Variants in HHIP observed in about 807,000 individuals in gnomAD.
HHIP encodes the protein hedgehog interacting protein, also known as hedgehog-interacting protein.
HHIP carries 12 observed loss-of-function variants against 74.0 expected under a neutral mutation model. The ratio of observed to expected loss-of-function variants is 0.16; its 90% confidence interval spans 0.10 to 0.26. The LOEUF (loss-of-function observed/expected upper bound fraction) is 0.26. HHIP is among the 10% of genes least tolerant of loss of function. The pLI, the probability that HHIP is intolerant of heterozygous loss-of-function variation, is 1.00. For synonymous variants in HHIP, 309 were observed against 311.6 expected (o/e 0.99, Z 0.09); for missense variants, 788 against 845.0 (o/e 0.93, Z 0.84).
In HHIP at chr4:144,741,530, C is replaced by T; in HGVS notation, c.*3573C>T. 1 of 152,032 alleles carries T rather than the reference C, an allele frequency of 6.6e-6. No homozygotes were observed. The highest frequency in any genetic ancestry group is 1.5e-5 in the Non-Finnish European group (1 of 68,058). The allele number at this position is 152,032 out of a possible 1,614,324, so 9.4% of individuals were successfully genotyped here. A position where few individuals can be genotyped will look rare whatever the true frequency, so the allele number is the denominator to read the frequency against. Reference sequence around the variant, plus strand: ...AAGTAGCTGGGATTACAGGTGCCCGCCACCACACCCGGCTAATTTTTTTGT... The same window carrying T: ...AAGTAGCTGGGATTACAGGTGCCCGTCACCACACCCGGCTAATTTTTTTGT... On this transcript the variant is annotated 3_prime_UTR_variant, in exon 13 of 13. Coordinates refer to ENST00000296575, the MANE Select transcript of HHIP (RefSeq NM_022475.3).
chr4:144,729,875 T>C (rs1333752118), intron 11 of HHIP, among the ~76,000 whole-genome samples: 2 of 152,196 alleles, frequency 1.3e-5, no homozygotes, highest in Admixed American at 1.3e-4. Context: ...ATTCAAAATC[T>C]GGACACCTCA....
At chr4:144,712,260 T>C (rs1159699652) in intron 8 of HHIP, among the ~76,000 whole-genome samples, 189 bp downstream of exon 8, 3 of 152,166 alleles carry the variant, frequency 2.0e-5, no homozygotes, top group Non-Finnish European at 4.4e-5. Flanking sequence ...CCCTGAGGGT[T>C]CCATCTGGTT....
intron 4 of HHIP, among the ~76,000 whole-genome samples, chr4:144,667,559 G>A (rs1049261443): frequency 6.6e-6 from 1 of 152,094 alleles, no homozygotes; most frequent in Non-Finnish European, 1.5e-5. Flanking sequence ...AACACCTTTT[G>A]ACAGCATCAA....
At chr4:144,647,694 A>AACTG (rs2126569719) in intron 1 of HHIP, among the ~76,000 whole-genome samples, 1 of 152,216 alleles carries the variant, frequency 6.6e-6, no homozygotes, top group South Asian at 2.1e-4. Context: ...TAATAAGTTT[A>AACTG]AATACTAACA....
At chr4:144,672,856 C>T (rs1729077967) in intron 4 of HHIP, among the ~76,000 whole-genome samples, 1 of 152,078 alleles carries the variant, frequency 6.6e-6, no homozygotes, top group Admixed American at 6.6e-5. Flanking sequence ...CACCTGCCAC[C>T]ATGCCCAGCT....
At chr4:144,660,188 T>C (rs1195715825) in intron 4 of HHIP, 3 of 339,486 alleles carry the variant, frequency 8.8e-6, no homozygotes, top group Non-Finnish European at 1.6e-5. Flanking sequence ...AACAAAGAGG[T>C]CTTTTGGTTA....
chr4:144,658,351 GTATTTATTTATT>G (rs139338114), intron 2 of HHIP, among the ~76,000 whole-genome samples: 13 of 148,016 alleles, frequency 8.8e-5, no homozygotes, highest in South Asian at 2.2e-4. Context: ...TTTTTATTTA[GTATTTATTTATT>G]TATTTATTTA....
chr4:144,684,263 TTTTTTTTTTTTTTG>T (rs1729423952), intron 4 of HHIP, among the ~76,000 whole-genome samples: 2 of 28,252 alleles, frequency 7.1e-5, no homozygotes, highest in African/African-American at 1.2e-4. Context: ...TTTTTTTTTT[TTTTTTTTTTTTTTG>T]AGACGGAGTC....
chr4:144,720,009 G>A (rs1317791776), intron 11 of HHIP, among the ~76,000 whole-genome samples: 1 of 152,106 alleles, frequency 6.6e-6, no homozygotes, highest in Non-Finnish European at 1.5e-5. Flanking sequence ...GGTCGACATT[G>A]GCTCTTGCAG....
chr4:144,695,190 C>G (rs2126639612), intron 4 of HHIP, among the ~76,000 whole-genome samples: 1 of 151,576 alleles, frequency 6.6e-6, no homozygotes, highest in South Asian at 2.1e-4. Context: ...AAGAATGGCC[C>G]TAAGAGTGAA....
intron 4 of HHIP, among the ~76,000 whole-genome samples, chr4:144,671,545 AT>A (rs1477274272): frequency 1.3e-5 from 2 of 152,186 alleles, no homozygotes; most frequent in Non-Finnish European, 2.9e-5. Flanking sequence ...CATTCCTGTA[AT>A]ATCCCACCTC....
intron 7 of HHIP, 82 bp downstream of exon 7, chr4:144,708,393 T>C (rs1730206758): frequency 2.8e-6 from 4 of 1,434,844 alleles, no homozygotes; most frequent in Non-Finnish European, 3.9e-6. Context: ...ATAGAGCATA[T>C]ACCATCACAG....
At chr4:144,690,460 G>C (rs573075647) in intron 4 of HHIP, among the ~76,000 whole-genome samples, 73 of 152,290 alleles carry the variant, frequency 4.8e-4, no homozygotes, top group African/African-American at 1.6e-3. Context: ...AGAAGTGCTG[G>C]AGCTGGTCTT....
intron 4 of HHIP, among the ~76,000 whole-genome samples, chr4:144,699,808 A>G (rs112809039): frequency 2.2e-4 from 34 of 151,988 alleles, no homozygotes; most frequent in Non-Finnish European, 4.0e-4. Context: ...CCATAAGTTA[A>G]CCCAGGGACC....
At chr4:144,725,232 T>A (rs899837437) in intron 11 of HHIP, among the ~76,000 whole-genome samples, 4 of 152,206 alleles carry the variant, frequency 2.6e-5, no homozygotes, top group African/African-American at 9.6e-5. Context: ...ATGTAGCTTA[T>A]AAAGAAAAAA....
At chr4:144,717,325 T>C (rs746849786) in intron 10 of HHIP, among the ~76,000 whole-genome samples, 1 of 152,190 alleles carries the variant, frequency 6.6e-6, no homozygotes, top group Non-Finnish European at 1.5e-5. Flanking sequence ...AAGTAAACTA[T>C]AAAATACTTG....
At chr4:144,719,193 C>G (rs2276934) in intron 11 of HHIP, among the ~76,000 whole-genome samples, 87,821 of 152,018 alleles carry the variant, frequency 0.58, 25,643 homozygotes, top group South Asian at 0.76. Context: ...TCACAGAGCA[C>G]CATTATATTC....
intron 1 of HHIP, 23 bp downstream of exon 1, chr4:144,646,977 G>A: frequency 6.4e-7 from 1 of 1,572,966 alleles, no homozygotes; most frequent in Non-Finnish European, 8.6e-7. Flanking sequence ...CGGCTTCACG[G>A]ATGCGTACTT....
At chr4:144,718,055 A>G (rs1470163334) in intron 10 of HHIP, among the ~76,000 whole-genome samples, 1 of 152,246 alleles carries the variant, frequency 6.6e-6, no homozygotes, top group African/African-American at 2.4e-5. Context: ...ACAAAAGTCT[A>G]AACTAGTGTC....
Sources: gnomAD v4.1 joint callset for allele counts (sites outside exome capture counted in the v4.1 genomes callset) on GRCh38, gnomAD v4.1.1 for gene constraint, MANE v1.5 for transcripts, NCBI Gene and HGNC (gene_info 2026-07-23, HGNC 2026-07-21) for gene names.